Variants in PIGX observed in about 807,000 individuals in gnomAD.
The protein encoded by PIGX is GPI alpha-1,4-mannosyltransferase I, stabilizing subunit.
In PIGX, 24 loss-of-function variants were observed where a neutral mutation model predicts 28.7. The observed-to-expected ratio is 0.84, with a 90% CI of 0.60 to 1.17. The LOEUF is 1.17. Ranked by LOEUF, PIGX falls within the 50% of genes most tolerant of loss-of-function variation. The pLI is 0.00. For missense variants in PIGX, 305 were observed against 317.8 expected, an observed-to-expected ratio of 0.96 and a Z score of 0.31; for synonymous variants, 127 against 121.0, an observed-to-expected ratio of 1.05 and a Z score of -0.33.
intron 4 of PIGX, among the ~76,000 whole-genome samples, chr3:196,729,677 G>A (rs2108687368): frequency 6.6e-6 from 1 of 151,652 alleles, no homozygotes; most frequent in East Asian, 2.0e-4. Context: ...GTGAGCCACA[G>A]CACCTGGCCA....
At chr3:196,720,036 C>T (rs563882709) in intron 2 of PIGX, among the ~76,000 whole-genome samples, 1 of 152,224 alleles carries the variant, frequency 6.6e-6, no homozygotes, top group African/African-American at 2.4e-5. Flanking sequence ...CTTCGGCCTC[C>T]CGAAGTGTGG....
At chr3:196,726,710 G>A (rs1475734323) in intron 3 of PIGX, 1 of 456,318 alleles carries the variant, frequency 2.2e-6, no homozygotes, top group Non-Finnish European at 4.4e-6. Flanking sequence ...AGGATCCCTA[G>A]TGGAATAAGG....
intron 5 of PIGX, 41 bp downstream of exon 5, chr3:196,731,133 C>A: frequency 4.7e-6 from 5 of 1,071,128 alleles, no homozygotes; most frequent in South Asian, 1.3e-5. Context: ...TCATGTGCCT[C>A]ATTTAAAGCT....
Position 196,734,766 on chromosome 3 carries a change from T to G in PIGX, c.*864T>G, listed in dbSNP as rs936832955. 6.6e-6 allele frequency: 1 copy of G among 152,222 alleles called. No individual in the cohort carries two copies. Among genetic ancestry groups the G allele is most frequent in the Non-Finnish European group, 1.5e-5 (1 of 68,040 alleles). The allele number at this position is 152,222 out of a possible 1,614,324, so 9.4% of individuals were successfully genotyped here. ...TCCTTAACGCACTCCATTCTCCTTTTACATTTTATCATGTTTCTTTTGAAT... is the reference window on the plus strand; with the variant it reads ...TCCTTAACGCACTCCATTCTCCTTTGACATTTTATCATGTTTCTTTTGAAT... On this transcript the variant is annotated 3_prime_UTR_variant, in exon 6 of 6. Transcript: ENST00000392391.
intron 5 of PIGX, among the ~76,000 whole-genome samples, chr3:196,732,268 T>C (rs1712830803): frequency 2.5e-5 from 1 of 39,734 alleles, no homozygotes; most frequent in Non-Finnish European, 5.0e-5. Context: ...TTTATTTTAT[T>C]TTATTTTTTT....
At chr3:196,723,148 C>T (rs945593167) in intron 3 of PIGX, among the ~76,000 whole-genome samples, 9 of 152,170 alleles carry the variant, frequency 5.9e-5, no homozygotes, top group African/African-American at 9.7e-5. Flanking sequence ...TCGAAACCAG[C>T]CTGGGCAACA....
chr3:196,720,155 C>T (rs1284903752), intron 2 of PIGX, among the ~76,000 whole-genome samples: 1 of 152,228 alleles, frequency 6.6e-6, no homozygotes, highest in African/African-American at 2.4e-5. Flanking sequence ...CACCACCATC[C>T]ATTTATGGAA....
chr3:196,726,880 G>A (rs922382423), intron 3 of PIGX: 17 of 237,036 alleles, frequency 7.2e-5, no homozygotes, highest in African/African-American at 3.7e-4. Flanking sequence ...AGGTATTCAA[G>A]CAGTGGCGGT....
chr3:196,728,750 CTA>C (rs1187430378), intron 4 of PIGX: 1 of 766,382 alleles, frequency 1.3e-6, no homozygotes, highest in Admixed American at 1.7e-5. Context: ...TTTGACAAAA[CTA>C]TAGGTCAGTG....
At chr3:196,715,077 AAAATAAAT>A (rs746150606) in intron 1 of PIGX, among the ~76,000 whole-genome samples, 6 of 152,142 alleles carry the variant, frequency 3.9e-5, no homozygotes, top group Admixed American at 6.5e-5. Context: ...TCCGTCTCAA[AAAATAAAT>A]AAATAAATAA....
chr3:196,717,169 C>T (rs1277229682), intron 2 of PIGX, among the ~76,000 whole-genome samples: 1 of 151,912 alleles, frequency 6.6e-6, no homozygotes, highest in Non-Finnish European at 1.5e-5. Context: ...CATGATGGTA[C>T]ACACACCTAT....
At chr3:196,713,309 A>AT (rs61440372) in intron 1 of PIGX, among the ~76,000 whole-genome samples, 127,403 of 149,968 alleles carry the variant, frequency 0.85, 54,377 homozygotes, top group African/African-American at 0.94. Context: ...GGCCAAGAAG[A>AT]TTTTTTTTTT....
At chr3:196,731,945 C>T (rs1451552572) in intron 5 of PIGX, among the ~76,000 whole-genome samples, 4 of 151,640 alleles carry the variant, frequency 2.6e-5, no homozygotes, top group Non-Finnish European at 4.4e-5. Context: ...CCTGTCTCAG[C>T]CTCCCGAGTA....
intron 4 of PIGX, among the ~76,000 whole-genome samples, chr3:196,730,108 C>T (rs1042595709): frequency 6.6e-6 from 1 of 151,566 alleles, no homozygotes; most frequent in South Asian, 2.1e-4. Context: ...TACTAAAAAC[C>T]GACAGATGGG....
At chr3:196,725,645 C>A (rs953296934) in intron 3 of PIGX, among the ~76,000 whole-genome samples, 4 of 152,124 alleles carry the variant, frequency 2.6e-5, no homozygotes, top group African/African-American at 9.7e-5. Flanking sequence ...GAGTATTTAT[C>A]AGTGTGTATA....
In PIGX at chr3:196,732,246, A is replaced by ATTT. The variant is rs1350397933; in HGVS notation, c.633+1155_633+1156insTTT. Among the ~76,000 whole-genome samples the ATTT allele has an allele frequency of 5.2e-4, 13 of 25,232 alleles. 1 individual carries two copies. Among genetic ancestry groups the ATTT allele is most frequent in the African/African-American group, 2.1e-3 (10 of 4,864 alleles). The allele number at this position is 25,232 out of a possible 152,430, so 16.6% of individuals were successfully genotyped here. ...TATATATATATATATATATATATATATATATATATATTTTATTTTATTTTA... is the reference window on the plus strand; with the variant it reads ...TATATATATATATATATATATATATATTTTATATATATATTTTATTTTATTTTA... On this transcript the variant is annotated intron_variant, in intron 5 of 5. Coordinates refer to ENST00000392391, the MANE Select transcript of PIGX (RefSeq NM_017861.4).
At chr3:196,726,013 A>C (rs574601771) in intron 3 of PIGX, among the ~76,000 whole-genome samples, 1 of 152,364 alleles carries the variant, frequency 6.6e-6, no homozygotes, top group South Asian at 2.1e-4. Flanking sequence ...CTGTAATAAT[A>C]AATTAGCAGC....
intron 1 of PIGX, among the ~76,000 whole-genome samples, chr3:196,714,567 T>G (rs1712008802): frequency 1.3e-5 from 2 of 151,722 alleles, no homozygotes; most frequent in Admixed American, 6.6e-5. Context: ...GTTCAAGCGA[T>G]TCTCCTGCCT....
At chr3:196,721,183 C>T (rs1241107860) in intron 2 of PIGX, 1 of 375,070 alleles carries the variant, frequency 2.7e-6, no homozygotes. Flanking sequence ...TTAGGAACTC[C>T]AAATATATGT....
Sources: allele counts gnomAD v4.1 joint callset (sites outside exome capture counted in the v4.1 genomes callset), GRCh38; gene constraint gnomAD v4.1.1; transcripts MANE v1.5; gene names NCBI Gene and HGNC (gene_info 2026-07-23, HGNC 2026-07-21).